Variants in NLGN1 observed in about 807,000 individuals in gnomAD.
NLGN1 encodes neuroligin-1.
A neutral mutation model predicts 65.5 loss-of-function variants in NLGN1; 12 were observed. The ratio of observed to expected loss-of-function variants is 0.18; its 90% CI spans 0.12 to 0.30. The LOEUF (loss-of-function observed/expected upper bound fraction) is 0.30. Ranked by LOEUF, NLGN1 falls within the 10% of genes least tolerant of loss-of-function variation. NLGN1 has a pLI of 1.00. For synonymous variants in NLGN1, 350 were observed against 359.5 expected, an observed-to-expected ratio of 0.97 and a Z score of 0.30; for missense variants, 750 against 1,007.1, an observed-to-expected ratio of 0.74 and a Z score of 3.46.
intron 4 of NLGN1, among the ~76,000 whole-genome samples, chr3:173,908,910 A>G (rs1209613793): frequency 6.6e-6 from 1 of 152,136 alleles, no homozygotes; most frequent in Non-Finnish European, 1.5e-5. Flanking sequence ...TTTTAGCTTT[A>G]TTAATTTATC....
In NLGN1 at chr3:173,528,694, C is replaced by T. The variant is rs115520299; in HGVS notation, c.-320-75585C>T. On this transcript the variant is annotated intron_variant, in intron 2 of 6. Coordinates refer to ENST00000457714, the Ensembl canonical transcript of NLGN1. Reference sequence around the variant, plus strand: ...TGGGTTAATTTGAAAGACCAATCTTCGAGCTCTGAAATGATTTCTTCTGCT... The same window carrying T: ...TGGGTTAATTTGAAAGACCAATCTTTGAGCTCTGAAATGATTTCTTCTGCT... 7.5e-3 allele frequency among the ~76,000 whole-genome samples: 1,144 copies of T among 152,216 alleles called. 23 individuals are homozygous for T. Among genetic ancestry groups the T allele is most frequent in the African/African-American group, 0.026 (1,073 of 41,554 alleles).
At chr3:174,281,010 G>C (rs756909061) in exon 7 of NLGN1, 3 of 1,613,376 alleles carry the variant, frequency 1.9e-6, no homozygotes, top group Admixed American at 1.7e-5. Context: ...CCATGCACAA[G>C]AAGAGGAAAT....
intron 4 of NLGN1, among the ~76,000 whole-genome samples, chr3:173,942,606 T>C (rs892607433): frequency 6.6e-6 from 1 of 152,152 alleles, no homozygotes; most frequent in Non-Finnish European, 1.5e-5. Flanking sequence ...GAAAAAACAG[T>C]TTTTATTCCC....
intron 3 of NLGN1, among the ~76,000 whole-genome samples, chr3:173,721,492 C>T (rs1178940889): frequency 2.0e-5 from 3 of 152,156 alleles, no homozygotes; most frequent in Non-Finnish European, 4.4e-5. Context: ...GGTCACCACA[C>T]TCTAAGGTAA....
intron 3 of NLGN1, among the ~76,000 whole-genome samples, chr3:173,768,895 G>C (rs1225957328): frequency 6.6e-6 from 1 of 151,934 alleles, no homozygotes; most frequent in East Asian, 1.9e-4. Context: ...TTCCACCCCA[G>C]CCTCCCAAGT....
chr3:173,487,127 T>G (rs972236596), intron 2 of NLGN1, among the ~76,000 whole-genome samples: 13 of 152,114 alleles, frequency 8.5e-5, no homozygotes, highest in African/African-American at 2.6e-4. Context: ...TAAACTTTTC[T>G]TATTTTCTGA....
At chr3:174,183,176 AG>A (rs1245736280) in intron 4 of NLGN1, among the ~76,000 whole-genome samples, 2 of 152,062 alleles carry the variant, frequency 1.3e-5, no homozygotes, top group Admixed American at 1.3e-4. Context: ...ATTGTCTACT[AG>A]GCAACAGTGC....
chr3:173,480,150 C>G (rs1410639000), intron 2 of NLGN1, among the ~76,000 whole-genome samples: 1 of 151,456 alleles, frequency 6.6e-6, no homozygotes. Context: ...CTTCTCTGGT[C>G]CTCTTTTTTT....
At chr3:173,454,338 G>A (rs911020532) in intron 2 of NLGN1, among the ~76,000 whole-genome samples, 4 of 152,156 alleles carry the variant, frequency 2.6e-5, no homozygotes, top group Non-Finnish European at 5.9e-5. Flanking sequence ...GGTTGCATTA[G>A]CCCTTAACAA....
At chr3:174,139,388 A>G (rs1397477389) in intron 4 of NLGN1, among the ~76,000 whole-genome samples, 1 of 152,000 alleles carries the variant, frequency 6.6e-6, no homozygotes, top group Non-Finnish European at 1.5e-5. Flanking sequence ...TCTGATTGTC[A>G]TATTTAACTT....
exon 6 of NLGN1, chr3:174,278,874 A>C (rs1751073049): frequency 6.8e-7 from 1 of 1,480,822 alleles, no homozygotes; most frequent in Non-Finnish European, 9.0e-7. Context: ...TTTTTCAACG[A>C]GCAATAGCTC....
At chr3:173,495,692 A>AC (rs1365101563) in intron 2 of NLGN1, among the ~76,000 whole-genome samples, 2 of 142,212 alleles carry the variant, frequency 1.4e-5, no homozygotes, top group Non-Finnish European at 3.2e-5. Flanking sequence ...AAAAAAAAAA[A>AC]AAAAACTCTA....
chr3:174,124,632 C>T (rs913183860), intron 4 of NLGN1, among the ~76,000 whole-genome samples: 14 of 118,334 alleles, frequency 1.2e-4, no homozygotes, highest in Non-Finnish European at 1.7e-4. Flanking sequence ...TACACATATA[C>T]GTATATATAT....
At chr3:173,820,242 CAAGA>C (rs1720007435) in intron 4 of NLGN1, among the ~76,000 whole-genome samples, 2 of 150,862 alleles carry the variant, frequency 1.3e-5, no homozygotes, top group African/African-American at 4.9e-5. Context: ...ATACCAGTGG[CAAGA>C]AAGTCTCCTG....
intron 4 of NLGN1, among the ~76,000 whole-genome samples, chr3:173,853,667 A>T (rs1321114426): frequency 6.6e-6 from 1 of 152,022 alleles, no homozygotes; most frequent in African/African-American, 2.4e-5. Context: ...ACTGTATTTG[A>T]CTTTGTAATA....
chr3:173,791,668 T>A (rs1422932356), intron 3 of NLGN1, among the ~76,000 whole-genome samples: 1 of 152,128 alleles, frequency 6.6e-6, no homozygotes, highest in African/African-American at 2.4e-5. Flanking sequence ...AATTGATTTA[T>A]GGTTTGCTTA....
chr3:174,056,249 G>A (rs761708713), intron 4 of NLGN1, among the ~76,000 whole-genome samples: 3 of 151,934 alleles, frequency 2.0e-5, no homozygotes, highest in Non-Finnish European at 4.4e-5. Flanking sequence ...GTGATGTAAT[G>A]AGTATGTTGG....
Position 173,725,038 on chromosome 3 carries a change from G to C in NLGN1, c.494-82642G>C, listed in dbSNP as rs1016583831. Among the ~76,000 whole-genome samples, 13 of 152,074 alleles carry C rather than the reference G, an allele frequency of 8.5e-5. No homozygotes were observed. In the South Asian group the frequency reaches 1.9e-3, roughly 22 times the overall value. Reference sequence around the variant, plus strand: ...CACATCCAGGGGCCTATTGTGGGGTGGGGGAGGGATAGCATTAGGAGATAT... The same window carrying C: ...CACATCCAGGGGCCTATTGTGGGGTCGGGGAGGGATAGCATTAGGAGATAT... On this transcript the variant is annotated intron_variant, in intron 3 of 6. Coordinates refer to ENST00000457714, the Ensembl canonical transcript of NLGN1.
At chr3:173,866,031 T>C (rs967310645) in intron 4 of NLGN1, among the ~76,000 whole-genome samples, 2 of 152,202 alleles carry the variant, frequency 1.3e-5, no homozygotes, top group Non-Finnish European at 2.9e-5. Context: ...ATCTGCATAG[T>C]TGAATCAGCC....
Sources: allele counts gnomAD v4.1 joint callset (sites outside exome capture counted in the v4.1 genomes callset), GRCh38; gene constraint gnomAD v4.1.1; transcripts MANE v1.5; gene names NCBI Gene and HGNC (gene_info 2026-07-23, HGNC 2026-07-21).